Variants in CNTNAP2 observed in about 807,000 individuals in gnomAD.
CNTNAP2 encodes contactin-associated protein-like 2.
A neutral mutation model predicts 155.2 loss-of-function variants in CNTNAP2; 98 were observed. That is an observed-to-expected ratio of 0.63 (90% CI 0.54 to 0.75). The LOEUF is 0.75. Among genes scored for constraint, CNTNAP2 ranks in the 30% least tolerant of loss-of-function variants. The pLI is 0.00. For synonymous variants in CNTNAP2, 651 were observed against 631.2 expected (o/e 1.03, Z -0.47); for missense variants, 1,727 against 1,688.1 (o/e 1.02, Z -0.40).
intron 3 of CNTNAP2, among the ~76,000 whole-genome samples, chr7:146,881,181 A>T (rs1020123806): frequency 6.6e-6 from 1 of 152,084 alleles, no homozygotes; most frequent in African/African-American, 2.4e-5. Flanking sequence ...CACACACGTT[A>T]CTCTAGATCT....
At chr7:148,066,027 T>A (rs541718551) in intron 15 of CNTNAP2, among the ~76,000 whole-genome samples, 1 of 152,322 alleles carries the variant, frequency 6.6e-6, no homozygotes, top group African/African-American at 2.4e-5. Flanking sequence ...AAGACCATCT[T>A]TCTTTCATTT....
At chr7:147,294,084 A>G (rs1469964973) in intron 8 of CNTNAP2, among the ~76,000 whole-genome samples, 2 of 152,208 alleles carry the variant, frequency 1.3e-5, no homozygotes, top group African/African-American at 4.8e-5. Context: ...TAACAGTGGT[A>G]CATACCACAC....
chr7:146,616,595 CA>C (rs1004709741), intron 1 of CNTNAP2, among the ~76,000 whole-genome samples: 1 of 151,658 alleles, frequency 6.6e-6, no homozygotes, highest in African/African-American at 2.4e-5. Context: ...AATTTATAGT[CA>C]AAAAAAAGCT....
At chr7:148,126,691 G>C (rs1804723153) in intron 16 of CNTNAP2, among the ~76,000 whole-genome samples, 1 of 152,132 alleles carries the variant, frequency 6.6e-6, no homozygotes. Flanking sequence ...AATGGACAGG[G>C]AATCCATGAC....
intron 3 of CNTNAP2, among the ~76,000 whole-genome samples, chr7:147,043,118 G>A (rs1028035265): frequency 4.6e-5 from 7 of 151,754 alleles, no homozygotes; most frequent in Non-Finnish European, 2.9e-5. Flanking sequence ...GTAATTTTTT[G>A]AGAGTCGAGT....
At chr7:148,071,170 C>T (rs975458445) in intron 15 of CNTNAP2, among the ~76,000 whole-genome samples, 1 of 152,148 alleles carries the variant, frequency 6.6e-6, no homozygotes, top group Admixed American at 6.6e-5. Flanking sequence ...AAATATCTTC[C>T]TGTCACACAT....
At chr7:146,962,287 T>G (rs1797571073) in intron 3 of CNTNAP2, among the ~76,000 whole-genome samples, 2 of 152,176 alleles carry the variant, frequency 1.3e-5, no homozygotes. Context: ...CTGTGTTTTG[T>G]GCATTTTCTT....
intron 3 of CNTNAP2, among the ~76,000 whole-genome samples, chr7:147,026,908 G>C (rs1160853837): frequency 1.1e-5 from 1 of 87,596 alleles, no homozygotes; most frequent in Non-Finnish European, 2.0e-5. Context: ...CTTTGTCTCA[G>C]TGCTAAAAAA....
At chr7:146,288,864 G>A (rs1800383246) in intron 1 of CNTNAP2, among the ~76,000 whole-genome samples, 1 of 140,620 alleles carries the variant, frequency 7.1e-6, no homozygotes, top group African/African-American at 2.8e-5. Context: ...GAGTGTAGTG[G>A]TGCACTCTCG....
At chr7:148,159,941 C>A (rs563998099) in intron 17 of CNTNAP2, among the ~76,000 whole-genome samples, 1 of 152,002 alleles carries the variant, frequency 6.6e-6, no homozygotes, top group Non-Finnish European at 1.5e-5. Flanking sequence ...TGTCTCTGCT[C>A]TTAAAACTAC....
rs1422661751 is a variant in CNTNAP2, at chr7:148,297,187, A to AGGAAGGAAGGAAGGAAGGAAGGAG, written c.3475+30081_3475+30082insGGAGGGAAGGAAGGAAGGAAGGAA. Among the ~76,000 whole-genome samples, 651 of 150,522 alleles carry AGGAAGGAAGGAAGGAAGGAAGGAG rather than the reference A, an allele frequency of 4.3e-3. 6 individuals carry two copies. The highest frequency in any genetic ancestry group is 0.012 in the African/African-American group (486 of 40,616). ...AGAAAAGGAAGGAAGGAAGGAAGGA[A>AGGAAGGAAGGAAGGAAGGAAGGAG]GGAAGGAAGGAAGGAAGGAAAAACA... On this transcript the variant is annotated intron_variant, in intron 21 of 23. Coordinates refer to ENST00000361727, the MANE Select transcript of CNTNAP2 (RefSeq NM_014141.6).
chr7:147,047,404 C>T (rs1333317226), intron 4 of CNTNAP2, among the ~76,000 whole-genome samples: 2 of 151,152 alleles, frequency 1.3e-5, no homozygotes, highest in African/African-American at 4.9e-5. Context: ...AGAGGTTATG[C>T]TTATTGGTCA....
intron 1 of CNTNAP2, among the ~76,000 whole-genome samples, chr7:146,394,089 C>A (rs1795585396): frequency 6.6e-6 from 1 of 152,052 alleles, no homozygotes; most frequent in African/African-American, 2.4e-5. Context: ...TCTGGCTGAC[C>A]CATGGCAATT....
Position 147,525,369 on chromosome 7 carries a change from T to A in CNTNAP2, c.1778-36769T>A, listed in dbSNP as rs138235822. 1.4e-3 allele frequency among the ~76,000 whole-genome samples: 211 copies of A among 152,122 alleles called. 1 individual carries two copies. Among genetic ancestry groups the A allele is most frequent in the East Asian group, 1.2e-3 (6 of 5,166 alleles). On this transcript the variant is annotated intron_variant, in intron 11 of 23. Coordinates refer to ENST00000361727, the MANE Select transcript of CNTNAP2 (RefSeq NM_014141.6). ...CAACTCTCAAAGTCCTTAAATCATA[T>A]TATAAGTGGGCAAAGACAAGGAAAG...
At chr7:147,951,324 G>A (rs1045853767) in intron 14 of CNTNAP2, among the ~76,000 whole-genome samples, 3 of 152,218 alleles carry the variant, frequency 2.0e-5, no homozygotes, top group Admixed American at 2.0e-4. Flanking sequence ...CTATTCTACA[G>A]AGCAAATTGA....
intron 3 of CNTNAP2, among the ~76,000 whole-genome samples, chr7:146,990,686 A>G (rs1798193403): frequency 6.6e-6 from 1 of 152,100 alleles, no homozygotes. Flanking sequence ...GAGTGATGGA[A>G]TTCTGTCACT....
chr7:148,185,344 G>A (rs1026703071), intron 18 of CNTNAP2, among the ~76,000 whole-genome samples: 2 of 152,280 alleles, frequency 1.3e-5, no homozygotes, highest in South Asian at 2.1e-4. Context: ...ACACACTTGA[G>A]ATTAAATAAG....
intron 15 of CNTNAP2, among the ~76,000 whole-genome samples, chr7:148,103,214 T>C (rs549009332): frequency 4.2e-4 from 64 of 152,038 alleles, no homozygotes; most frequent in African/African-American, 1.5e-3. Context: ...AGCTTTTTTT[T>C]TTTTTTTATC....
At chr7:147,124,860 A>T (rs1801200876) in intron 6 of CNTNAP2, among the ~76,000 whole-genome samples, 1 of 146,908 alleles carries the variant, frequency 6.8e-6, no homozygotes, top group Non-Finnish European at 1.5e-5. Context: ...CTCTATGTGG[A>T]CATTTCCTTT....
Sources: allele counts gnomAD v4.1 joint callset (sites outside exome capture counted in the v4.1 genomes callset), GRCh38; gene constraint gnomAD v4.1.1; transcripts MANE v1.5; gene names NCBI Gene and HGNC (gene_info 2026-07-23, HGNC 2026-07-21).